Variants in PREP observed in about 807,000 individuals in gnomAD.
The protein encoded by PREP is prolyl endopeptidase, also known as dJ355L5.1 (prolyl endopeptidase).
Under a neutral mutation model 87.6 loss-of-function variants are expected in PREP, and 29 were observed. That is an observed-to-expected ratio of 0.33 (90% CI 0.25 to 0.45). The LOEUF (loss-of-function observed/expected upper bound fraction) is 0.45. Ranked by LOEUF, PREP falls within the 20% of genes least tolerant of loss-of-function variation. The pLI is 1.00. For missense variants in PREP, 695 were observed against 886.5 expected, an observed-to-expected ratio of 0.78 and a Z score of 2.74; for synonymous variants, 337 against 328.6, an observed-to-expected ratio of 1.03 and a Z score of -0.28.
chr6:105,302,403 C>T lies in PREP; in HGVS notation c.1318-13509G>A, dbSNP rs921780434. The T allele has an allele frequency of 2.7e-5, 6 of 222,964 alleles. No homozygotes were observed. In the Admixed American group the frequency reaches 2.8e-4, roughly 10 times the overall value. The allele number at this position is 222,964 out of a possible 1,614,324, so 13.8% of individuals were successfully genotyped here. ...TACAGAATTGCATATTAAATACACACTTTTCTTTTGTTCTCTTCGGCCAGC... is the reference window on the plus strand; with the variant it reads ...TACAGAATTGCATATTAAATACACATTTTTCTTTTGTTCTCTTCGGCCAGC... On this transcript the variant is annotated intron_variant, in intron 10 of 14. Transcript: ENST00000652536.
intron 2 of PREP, among the ~76,000 whole-genome samples, chr6:105,387,924 C>T (rs182795998): frequency 4.9e-4 from 75 of 152,298 alleles, no homozygotes; most frequent in Admixed American, 9.2e-4. Flanking sequence ...TATGACACCG[C>T]ATCCCCCTTA....
intron 10 of PREP, among the ~76,000 whole-genome samples, chr6:105,314,508 T>C (rs903105004): frequency 6.6e-6 from 1 of 152,216 alleles, no homozygotes; most frequent in Non-Finnish European, 1.5e-5. Flanking sequence ...TCACAGCATC[T>C]CCAGCAGGAA....
At chr6:105,364,895 A>T (rs1772347609) in intron 6 of PREP, among the ~76,000 whole-genome samples, 1 of 152,224 alleles carries the variant, frequency 6.6e-6, no homozygotes, top group South Asian at 2.1e-4. Flanking sequence ...GTACTTTTAT[A>T]ACAAAAGCAA....
intron 11 of PREP, among the ~76,000 whole-genome samples, chr6:105,287,187 A>T (rs1406794220): frequency 6.6e-6 from 1 of 152,024 alleles, no homozygotes; most frequent in Non-Finnish European, 1.5e-5. Context: ...TGTAATATTA[A>T]CACATAGATA....
At chr6:105,356,467 C>A (rs762579835) in intron 6 of PREP, among the ~76,000 whole-genome samples, 1 of 152,122 alleles carries the variant, frequency 6.6e-6, no homozygotes, top group Non-Finnish European at 1.5e-5. Flanking sequence ...AACAGTTAGC[C>A]GAAAACATGA....
intron 7 of PREP, among the ~76,000 whole-genome samples, chr6:105,335,405 G>A (rs1771452524): frequency 6.6e-6 from 1 of 152,032 alleles, no homozygotes; most frequent in Non-Finnish European, 1.5e-5. Context: ...ATTCATCTCT[G>A]CAGCATATCT....
intron 7 of PREP, among the ~76,000 whole-genome samples, chr6:105,345,221 T>C (rs1000931431): frequency 5.3e-5 from 8 of 152,306 alleles, no homozygotes; most frequent in Non-Finnish European, 8.8e-5. Context: ...AACAGGAAAA[T>C]TACTTTTTAA....
At position 105,275,274 on chromosome 6, in the gene PREP, G is replaced by A. The variant is rs1022980227; in HGVS notation, c.*2870C>T. Among the ~76,000 whole-genome samples, 3 of 152,136 alleles carry A rather than the reference G, an allele frequency of 2.0e-5. No individual in the cohort carries two copies. Among genetic ancestry groups the A allele is most frequent in the Non-Finnish European group, 4.4e-5 (3 of 68,040 alleles). ...GACAAACCTTGAGAGACTGGTGACA[G>A]GCTTCCTTAGTTGAAACTTATCCTT... On this transcript the variant is annotated 3_prime_UTR_variant, in exon 15 of 15. Coordinates refer to ENST00000652536, the MANE Select transcript of PREP (RefSeq NM_002726.5).
rs541066567 is a variant in PREP at position 105,389,907 on chromosome 6, G to C, written c.120+7946C>G. 5.3e-5 allele frequency among the ~76,000 whole-genome samples: 8 copies of C among 152,266 alleles called. No homozygotes were observed. In the South Asian group the frequency reaches 1.7e-3, roughly 32 times the overall value. The stretch of plus-strand genomic sequence containing the variant: ...CCAAAAACAAAAGCAAGCAAGCAAA[G>C]AAACAAACAAACAAAAAGACTTCAG... On this transcript the variant is annotated intron_variant, in intron 2 of 14. Coordinates refer to ENST00000652536, the MANE Select transcript of PREP (RefSeq NM_002726.5).
Position 105,397,887 on chromosome 6 carries a change from G to A in PREP, c.86C>T (p.Ala29Val). 6.2e-7 allele frequency: 1 copy of A among 1,612,974 alleles called. No homozygotes were observed. Among genetic ancestry groups the A allele is most frequent in the Non-Finnish European group, 8.5e-7 (1 of 1,178,974 alleles). ...YHGHKICDPY[A>V]WLEDPDSEQT... ...TTCACTGTCGGGGTCTTCAAGCCAG[G>A]CGTAAGGGTCACAAATTTTATGACC... Residue 29 changes from alanine (A) to valine (V), a missense_variant, in exon 2 of 15, where the codon GCC becomes GTC. Physicochemically the swap from Ala to Val is moderately conservative, Grantham distance 64 (BLOSUM62 0). Coordinates refer to ENST00000652536, the MANE Select transcript of PREP (RefSeq NM_002726.5).
At chr6:105,382,531 TAAAA>T (rs561274342) in intron 2 of PREP, among the ~76,000 whole-genome samples, 2 of 152,042 alleles carry the variant, frequency 1.3e-5, no homozygotes, top group Non-Finnish European at 2.9e-5. Flanking sequence ...ACTGTTCACT[TAAAA>T]AAAACTCATC....
chr6:105,279,907 C>T (rs77406959), intron 14 of PREP, among the ~76,000 whole-genome samples: 12 of 152,182 alleles, frequency 7.9e-5, no homozygotes, highest in Admixed American at 3.9e-4. Flanking sequence ...TGTTTCCTTA[C>T]GTGCAAATTT....
At chr6:105,365,511 G>C (rs1772362781) in intron 6 of PREP, among the ~76,000 whole-genome samples, 2 of 152,146 alleles carry the variant, frequency 1.3e-5, no homozygotes, top group Admixed American at 1.3e-4. Flanking sequence ...GATTGGACCT[G>C]AGGCTTCTGA....
At chr6:105,395,786 G>C (rs927192919) in intron 2 of PREP, among the ~76,000 whole-genome samples, 4 of 152,184 alleles carry the variant, frequency 2.6e-5, no homozygotes, top group African/African-American at 9.7e-5. Context: ...ACCATCAAAG[G>C]CTGTAGAAAT....
intron 10 of PREP, among the ~76,000 whole-genome samples, chr6:105,307,769 T>C (rs938708705): frequency 7.9e-5 from 12 of 152,068 alleles, no homozygotes; most frequent in Non-Finnish European, 4.4e-5. Context: ...CCCACTACCA[T>C]GCCCAGCTAA....
chr6:105,349,062 C>T (rs1771875142), intron 7 of PREP, among the ~76,000 whole-genome samples: 1 of 152,042 alleles, frequency 6.6e-6, no homozygotes, highest in African/African-American at 2.4e-5. Context: ...ATATAAGCTT[C>T]TAAAGCCCAG....
intron 2 of PREP, among the ~76,000 whole-genome samples, chr6:105,389,995 G>A (rs913953133): frequency 6.6e-6 from 1 of 152,220 alleles, no homozygotes; most frequent in Non-Finnish European, 1.5e-5. Flanking sequence ...GTTCTCCGCT[G>A]ATCTCTGTGA....
At chr6:105,402,712 CCAAA>C (rs919267219) in intron 1 of PREP, 131 bp downstream of exon 1, 21 of 828,688 alleles carry the variant, frequency 2.5e-5, no homozygotes, top group African/African-American at 8.9e-5. Context: ...CCCAATTCTC[CCAAA>C]CAAAGGCCGA....
intron 7 of PREP, among the ~76,000 whole-genome samples, chr6:105,343,167 A>G (rs1360022376): frequency 2.6e-5 from 4 of 152,242 alleles, no homozygotes; most frequent in Admixed American, 1.3e-4. Context: ...TGGTACTGGT[A>G]CCCAAACAGA....
Sources: gnomAD v4.1 joint callset for allele counts (sites outside exome capture counted in the v4.1 genomes callset) on GRCh38, gnomAD v4.1.1 for gene constraint, MANE v1.5 for transcripts, NCBI Gene and HGNC (gene_info 2026-07-23, HGNC 2026-07-21) for gene names.